Variants in GNAL observed in about 807,000 individuals in gnomAD.
The protein encoded by GNAL is guanine nucleotide-binding protein G(olf) subunit alpha.
GNAL carries 18 observed loss-of-function variants against 55.1 expected under a neutral mutation model. The ratio of observed to expected loss-of-function variants is 0.33; its 90% CI spans 0.23 to 0.48. The LOEUF (loss-of-function observed/expected upper bound fraction) is 0.48, where lower values mean the gene tolerates loss of function less well. Among genes scored for constraint, GNAL ranks in the 20% least tolerant of loss-of-function variants. GNAL has a pLI of 0.99. For missense variants in GNAL, 412 were observed against 614.1 expected, an observed-to-expected ratio of 0.67 and a Z score of 3.48; for synonymous variants, 253 against 237.0, an observed-to-expected ratio of 1.07 and a Z score of -0.62.
intron 5 of GNAL, among the ~76,000 whole-genome samples, chr18:11,847,103 T>C (rs150018791): frequency 8.9e-4 from 135 of 152,050 alleles, no homozygotes; most frequent in Non-Finnish European, 1.2e-3. Flanking sequence ...TCCAATGCCA[T>C]TTCCTTTGGC....
chr18:11,714,429 G>A (rs1008270576), intron 1 of GNAL, among the ~76,000 whole-genome samples: 9 of 152,312 alleles, frequency 5.9e-5, no homozygotes, highest in East Asian at 1.9e-4. Context: ...TTTGCTGAGC[G>A]CTCGCTGAAT....
At chr18:11,746,394 GAGTCC>G (rs1279710174) in intron 1 of GNAL, 2 of 267,306 alleles carry the variant, frequency 7.5e-6, no homozygotes, top group African/African-American at 4.5e-5. Flanking sequence ...AGGATCACTT[GAGTCC>G]AGGAGTTTAA....
At chr18:11,797,048 G>A (rs555884443) in intron 4 of GNAL, among the ~76,000 whole-genome samples, 15 of 152,158 alleles carry the variant, frequency 9.9e-5, no homozygotes, top group African/African-American at 2.6e-4. Flanking sequence ...TCTGCCACGC[G>A]GGCTCAAGCC....
intron 1 of GNAL, among the ~76,000 whole-genome samples, chr18:11,709,344 A>AAG (rs1274678701): frequency 6.6e-6 from 1 of 151,570 alleles, no homozygotes; most frequent in African/African-American, 2.4e-5. Flanking sequence ...AAAAAAAAAA[A>AAG]AAAAGTCATT....
chr18:11,718,279 AT>A (rs1327985721), intron 1 of GNAL, among the ~76,000 whole-genome samples: 1 of 152,072 alleles, frequency 6.6e-6, no homozygotes, highest in African/African-American at 2.4e-5. Context: ...ATTGTCATTC[AT>A]TTTTCAAGAA....
chr18:11,743,517 A>C (rs1045945899), intron 1 of GNAL, among the ~76,000 whole-genome samples: 2 of 152,230 alleles, frequency 1.3e-5, no homozygotes, highest in Non-Finnish European at 2.9e-5. Context: ...TTTTTATCAT[A>C]AAATATTCCC....
intron 5 of GNAL, among the ~76,000 whole-genome samples, chr18:11,851,227 C>A (rs780058825): frequency 1.7e-4 from 26 of 152,378 alleles, no homozygotes; most frequent in Non-Finnish European, 4.4e-5. Flanking sequence ...GAACGCAGCG[C>A]AGGAAGCGAG....
chr18:11,818,007 G>A (rs1426701204), intron 4 of GNAL, among the ~76,000 whole-genome samples: 2 of 151,582 alleles, frequency 1.3e-5, no homozygotes, highest in South Asian at 2.1e-4. Context: ...AGGCTGAGAC[G>A]GGCGGATCAC....
intron 5 of GNAL, among the ~76,000 whole-genome samples, chr18:11,843,449 A>G (rs375586670): frequency 2.2e-4 from 33 of 151,838 alleles, no homozygotes; most frequent in African/African-American, 5.6e-4. Context: ...CACTTGAAGC[A>G]GGGAGGTGGA....
chr18:11,883,732 T>C lies in GNAL; in HGVS notation c.*2597T>C, dbSNP rs905122787. 3 of 152,228 alleles carry C rather than the reference T, an allele frequency of 2.0e-5. No homozygotes were observed. Among genetic ancestry groups the C allele is most frequent in the East Asian group, 1.9e-4 (1 of 5,196 alleles). The allele number at this position is 152,228 out of a possible 1,614,324, so 9.4% of individuals were successfully genotyped here. ...TATTTTTTGAGACGGAGTCTCACTCTGTTGCCCAGGCTGGAGTGCAGTGGC... is the reference window on the plus strand; with the variant it reads ...TATTTTTTGAGACGGAGTCTCACTCCGTTGCCCAGGCTGGAGTGCAGTGGC... On this transcript the variant is annotated 3_prime_UTR_variant, in exon 12 of 12. Transcript: ENST00000334049.
intron 4 of GNAL, among the ~76,000 whole-genome samples, chr18:11,762,214 T>A (rs892319083): frequency 1.3e-5 from 2 of 152,196 alleles, no homozygotes; most frequent in African/African-American, 4.8e-5. Flanking sequence ...CTTCCTGAGC[T>A]GCCTGTCTTT....
intron 4 of GNAL, among the ~76,000 whole-genome samples, chr18:11,799,715 G>T (rs1232128735): frequency 6.6e-6 from 1 of 152,122 alleles, no homozygotes; most frequent in African/African-American, 2.4e-5. Context: ...TTTGGCCCCA[G>T]CCATTTCAGA....
chr18:11,846,460 A>AAG (rs1276092415), intron 5 of GNAL, among the ~76,000 whole-genome samples: 12 of 33,984 alleles, frequency 3.5e-4, no homozygotes, highest in African/African-American at 7.0e-4. Flanking sequence ...TATATATATA[A>AAG]ATATACACAC....
chr18:11,796,746 A>G (rs1275805282), intron 4 of GNAL, among the ~76,000 whole-genome samples: 1 of 152,152 alleles, frequency 6.6e-6, no homozygotes, highest in African/African-American at 2.4e-5. Flanking sequence ...TGCTTTTTAA[A>G]CTTATTAGAA....
At chr18:11,735,460 A>C (rs1427571541) in intron 1 of GNAL, among the ~76,000 whole-genome samples, 2 of 152,134 alleles carry the variant, frequency 1.3e-5, no homozygotes, top group Non-Finnish European at 2.9e-5. Flanking sequence ...TCTTTAATTA[A>C]AAAGAATGTG....
chr18:11,733,654 CAGAAAT>C (rs1448697577), intron 1 of GNAL, among the ~76,000 whole-genome samples: 1 of 152,092 alleles, frequency 6.6e-6, no homozygotes, highest in Non-Finnish European at 1.5e-5. Context: ...TGAAATAACT[CAGAAAT>C]AGAAGTCAAA....
chr18:11,843,570 T>G (rs989410564), intron 5 of GNAL, among the ~76,000 whole-genome samples: 1 of 151,592 alleles, frequency 6.6e-6, no homozygotes, highest in Non-Finnish European at 1.5e-5. Context: ...AGGAAAGAAA[T>G]AAAGAGATGT....
At chr18:11,776,589 T>C (rs1337033221) in intron 4 of GNAL, among the ~76,000 whole-genome samples, 1 of 150,406 alleles carries the variant, frequency 6.6e-6, no homozygotes, top group African/African-American at 2.5e-5. Flanking sequence ...ACACCTGGAG[T>C]CCCAGCTACC....
intron 4 of GNAL, among the ~76,000 whole-genome samples, chr18:11,774,436 T>A (rs1414384541): frequency 6.6e-6 from 1 of 152,252 alleles, no homozygotes; most frequent in Non-Finnish European, 1.5e-5. Context: ...AGCGCCCATC[T>A]AAAAGAGCCA....
Sources: gnomAD v4.1 joint callset for allele counts (sites outside exome capture counted in the v4.1 genomes callset) on GRCh38, gnomAD v4.1.1 for gene constraint, MANE v1.5 for transcripts, NCBI Gene and HGNC (gene_info 2026-07-23, HGNC 2026-07-21) for gene names.